The following KCNQ1 variants were observed in gnomAD, a reference collection of about 807,000 sequenced individuals.
The protein encoded by KCNQ1 is potassium voltage-gated channel subfamily Q member 1.
Under a neutral mutation model 72.4 loss-of-function variants are expected in KCNQ1, and 49 were observed. The observed-to-expected ratio is 0.68, with a 90% CI of 0.54 to 0.86. The LOEUF (loss-of-function observed/expected upper bound fraction) is 0.86, where lower values mean the gene tolerates loss of function less well. Ranked by LOEUF, KCNQ1 falls within the 40% of genes least tolerant of loss-of-function variation. The probability of loss-of-function intolerance (pLI) is 0.00; values close to 1 mark genes in which losing one functional copy is unlikely to be tolerated. For missense variants in KCNQ1, 790 were observed against 945.1 expected (o/e 0.84, Z 2.15); for synonymous variants, 450 against 412.6 (o/e 1.09, Z -1.10).
rs1849262512 is a variant in KCNQ1, at chr11:2,626,378, T to C, written c.1394-35583T>C. The stretch of plus-strand genomic sequence containing the variant: ...GCACCATTTGTTGAAAATACAGCAC[T>C]TTCCCTATTGAATGGTCTTGGCACT... On this transcript the variant is annotated intron_variant, in intron 10 of 15. Coordinates refer to ENST00000155840, the MANE Select transcript of KCNQ1 (RefSeq NM_000218.3). This position sits in a 1 kb window ranked among gnomAD's most constrained non-coding sequence, Gnocchi z 4.0. 2 of 398,518 alleles carry C rather than the reference T, an allele frequency of 5.0e-6. No homozygotes were observed. The allele number at this position is 398,518 out of a possible 1,614,324, so 24.7% of individuals were successfully genotyped here.
At chr11:2,584,622 TGTTA>T (rs1254668853) in intron 7 of KCNQ1, among the ~76,000 whole-genome samples, 4 of 151,922 alleles carry the variant, frequency 2.6e-5, no homozygotes, top group Non-Finnish European at 4.4e-5. Flanking sequence ...GGTTACTGTG[TGTTA>T]GTGTTTGTGT....
chr11:2,611,178 T>C lies in KCNQ1; in HGVS notation c.1393+22324T>C, dbSNP rs1848974666. ...GTAAAATGCTTCTCAGTATCTCTAA[T>C]AACATGGTTTGTTTTTAAAGTCTAT... is the stretch of plus-strand genomic sequence containing the variant. On this transcript the variant is annotated intron_variant, in intron 10 of 15. Coordinates refer to ENST00000155840, the MANE Select transcript of KCNQ1 (RefSeq NM_000218.3). This position sits in a 1 kb window ranked among gnomAD's most constrained non-coding sequence, Gnocchi z 5.3. 2.5e-6 allele frequency: 1 copy of C among 398,560 alleles called. No individual in the cohort carries two copies. The highest frequency in any genetic ancestry group is 4.4e-6 in the Non-Finnish European group (1 of 226,040). The allele number at this position is 398,560 out of a possible 1,614,324, so 24.7% of individuals were successfully genotyped here.
At chr11:2,556,477 C>T (rs1477616805) in intron 2 of KCNQ1, among the ~76,000 whole-genome samples, 1 of 152,162 alleles carries the variant, frequency 6.6e-6, no homozygotes, top group African/African-American at 2.4e-5. Context: ...AGCACACGGC[C>T]ACGTGTGCTT....
intron 10 of KCNQ1, chr11:2,630,633 TTAGAG>T (rs1050320483): frequency 1.2e-4 from 46 of 398,342 alleles, no homozygotes; most frequent in African/African-American, 8.6e-4. Context: ...CATTACACTA[TTAGAG>T]TATTCTTAAG....
chr11:2,643,956 C>G (rs1849622383), intron 10 of KCNQ1: 2 of 398,444 alleles, frequency 5.0e-6, no homozygotes, highest in African/African-American at 4.1e-5. Context: ...AAAGTTTCTG[C>G]TGAAAAATCT....
chr11:2,769,510 C>T lies in KCNQ1; in HGVS notation c.1590+591C>T, dbSNP rs559101955. Among the ~76,000 whole-genome samples the T allele has an allele frequency of 7.9e-5, 12 of 152,354 alleles. No individual in the cohort carries two copies. The East Asian group carries it at 2.3e-3, about 29-fold the overall frequency. ...CTAACTTCTCCAGGGGCATGTCCCC[C>T]CTACAGAAGCCCCTTAGAGCCCCCA... On this transcript the variant is annotated intron_variant, in intron 12 of 15. Transcript: ENST00000155840. This position sits in a 1 kb window ranked among gnomAD's most constrained non-coding sequence, Gnocchi z 4.6.
intron 15 of KCNQ1, among the ~76,000 whole-genome samples, chr11:2,798,958 C>CCCG (rs1847202061): frequency 6.6e-6 from 1 of 152,040 alleles, no homozygotes; most frequent in African/African-American, 2.4e-5. Context: ...GCAGAGGGTA[C>CCCG]CCGCGTGAAG....
Position 2,593,681 on chromosome 11 carries a change from C to T in KCNQ1, c.1393+4827C>T, listed in dbSNP as rs1021169927. Among the ~76,000 whole-genome samples the T allele has an allele frequency of 6.6e-6, 1 of 152,142 alleles. No homozygotes were observed. Among genetic ancestry groups the T allele is most frequent in the African/African-American group, 2.4e-5 (1 of 41,432 alleles). ...CGTGTGTGTGCTTTCTGGAGGCATG[C>T]GTCATGGAACAGCCTCACCTCTCAC... On this transcript the variant is annotated intron_variant, in intron 10 of 15. Transcript: ENST00000155840. This position sits in a 1 kb window ranked among gnomAD's most constrained non-coding sequence, Gnocchi z 6.9.
intron 12 of KCNQ1, among the ~76,000 whole-genome samples, chr11:2,775,347 T>G (rs1467952914): frequency 6.6e-6 from 1 of 152,206 alleles, no homozygotes; most frequent in Non-Finnish European, 1.5e-5. Flanking sequence ...CTGCCTCACA[T>G]GGCCCCAGCC....
intron 15 of KCNQ1, among the ~76,000 whole-genome samples, chr11:2,798,770 T>C (rs1024275012): frequency 6.6e-6 from 1 of 152,148 alleles, no homozygotes; most frequent in African/African-American, 2.4e-5. Context: ...TTGGGGAAAA[T>C]GTAACTTAAT....
intron 11 of KCNQ1, among the ~76,000 whole-genome samples, chr11:2,727,921 C>T (rs1198647039): frequency 6.6e-6 from 1 of 152,102 alleles, no homozygotes; most frequent in Non-Finnish European, 1.5e-5. Context: ...CTGATGGCCC[C>T]CGGGGCCGCG....
chr11:2,490,628 C>T lies in KCNQ1; in HGVS notation c.387-37300C>T, dbSNP rs563372901. 2.6e-5 allele frequency among the ~76,000 whole-genome samples: 4 copies of T among 152,248 alleles called. No homozygotes were observed. The East Asian group carries it at 7.7e-4, about 29-fold the overall frequency. ...AAGTAAGAGAAGAAAACAAGAGTCTCTGCCTCGTAATGCAGAGAATTCTTC... is the reference window on the plus strand; with the variant it reads ...AAGTAAGAGAAGAAAACAAGAGTCTTTGCCTCGTAATGCAGAGAATTCTTC... On this transcript the variant is annotated intron_variant, in intron 1 of 15. Transcript: ENST00000155840.
rs35181224 is a variant in KCNQ1 at position 2,764,198 on chromosome 11, CTT to C, written c.1515-4635_1515-4634del. ...TGGGTTTTTTTGTTTTAGTTTTTGTCTTTTTTTTTTTTAGGTAATGGAGTTTC... is the reference window on the plus strand; with the variant it reads ...TGGGTTTTTTTGTTTTAGTTTTTGTCTTTTTTTTTTAGGTAATGGAGTTTC... On this transcript the variant is annotated intron_variant, in intron 11 of 15. Coordinates refer to ENST00000155840, the MANE Select transcript of KCNQ1 (RefSeq NM_000218.3). The surrounding 1 kb of genome is among the most constrained non-coding windows in gnomAD (Gnocchi z 4.8). 9.7e-5 allele frequency among the ~76,000 whole-genome samples: 14 copies of C among 144,648 alleles called. No homozygotes were observed. The highest frequency in any genetic ancestry group is 1.4e-4 in the Admixed American group (2 of 14,688). The allele number at this position is 144,648 out of a possible 152,430, so 94.9% of individuals were successfully genotyped here.
chr11:2,543,855 G>A lies in KCNQ1; in HGVS notation c.477+15837G>A, dbSNP rs564845422. 5.6e-4 allele frequency among the ~76,000 whole-genome samples: 86 copies of A among 152,246 alleles called. No homozygotes were observed. Among genetic ancestry groups the A allele is most frequent in the African/African-American group, 1.9e-3 (77 of 41,526 alleles). On this transcript the variant is annotated intron_variant, in intron 2 of 15. Transcript: ENST00000155840. The surrounding 1 kb of genome is among the most constrained non-coding windows in gnomAD (Gnocchi z 5.6). ...GGTCCAGTGTCATTTGTTGAAAAGA[G>A]TATCCTTTACCCAGTGAATCATCTT...
rs958957401 is a variant in KCNQ1, at chr11:2,787,547, T to C, written c.1794+9510T>C. ...TCATTTTAAATTTTCTAATAGCCAC[T>C]TTTTTAATTTAAAAGAAATAAGTAA... On this transcript the variant is annotated intron_variant, in intron 15 of 15. Coordinates refer to ENST00000155840, the MANE Select transcript of KCNQ1 (RefSeq NM_000218.3). This position sits in a 1 kb window ranked among gnomAD's most constrained non-coding sequence, Gnocchi z 6.3. Among the ~76,000 whole-genome samples, 12 of 152,326 alleles carry C rather than the reference T, an allele frequency of 7.9e-5. No individual in the cohort carries two copies. Among genetic ancestry groups the C allele is most frequent in the Admixed American group, 7.8e-4 (12 of 15,310 alleles).
At chr11:2,460,863 G>A (rs964664374) in intron 1 of KCNQ1, among the ~76,000 whole-genome samples, 4 of 152,256 alleles carry the variant, frequency 2.6e-5, no homozygotes, top group Admixed American at 6.5e-5. Context: ...AGGCTGGGGC[G>A]TGACTGCTTC....
intron 15 of KCNQ1, among the ~76,000 whole-genome samples, chr11:2,823,852 T>C (rs7111394): frequency 0.053 from 8,002 of 152,082 alleles, 685 homozygotes; most frequent in African/African-American, 0.18. Context: ...GCTGGACAGT[T>C]AGAGGGTGGA....
At position 2,613,479 on chromosome 11, in the gene KCNQ1, T is replaced by G; in HGVS notation, c.1393+24625T>G. On this transcript the variant is annotated intron_variant, in intron 10 of 15. Coordinates refer to ENST00000155840, the MANE Select transcript of KCNQ1 (RefSeq NM_000218.3). This position sits in a 1 kb window ranked among gnomAD's most constrained non-coding sequence, Gnocchi z 4.8. ...TCAGATGAGCCTTCTTTGTTGCTGG[T>G]CCTCAAGCCTACCGTGCCCCTGAGC... The G allele has an allele frequency of 2.5e-6, 1 of 398,618 alleles. No individual in the cohort carries two copies. The highest frequency in any genetic ancestry group is 6.3e-4 in the Middle Eastern group (1 of 1,590). 24.7% of individuals were successfully genotyped at this position (398,618 alleles called of 1,614,324 possible).
At chr11:2,556,224 G>C (rs1376834150) in intron 2 of KCNQ1, among the ~76,000 whole-genome samples, 1 of 152,180 alleles carries the variant, frequency 6.6e-6, no homozygotes, top group Non-Finnish European at 1.5e-5. Flanking sequence ...CAGTTGTATG[G>C]GAATAGGGGC....
Sources: allele counts gnomAD v4.1 joint callset (sites outside exome capture counted in the v4.1 genomes callset), GRCh38; gene constraint gnomAD v4.1.1; non-coding constraint Gnocchi (gnomAD v3.1); transcripts MANE v1.5; gene names NCBI Gene and HGNC (gene_info 2026-07-23, HGNC 2026-07-21).